The following SUPT3H variants were observed in gnomAD, a reference collection of about 807,000 sequenced individuals.
SUPT3H encodes the protein transcription initiation protein SPT3 homolog.
Under a neutral mutation model 44.3 loss-of-function variants are expected in SUPT3H, and 44 were observed. That is an observed-to-expected ratio of 0.99 (90% CI 0.78 to 1.28). The LOEUF is 1.28. Ranked by LOEUF, SUPT3H falls within the 50% of genes most tolerant of loss-of-function variation. The probability of loss-of-function intolerance (pLI) is 0.00; values close to 1 mark genes in which losing one functional copy is unlikely to be tolerated. For synonymous variants in SUPT3H, 124 were observed against 125.6 expected (o/e 0.99, Z 0.09); for missense variants, 380 against 387.1 (o/e 0.98, Z 0.15).
At position 45,280,046 on chromosome 6, in the gene SUPT3H, C is replaced by A. The variant is rs538265667; in HGVS notation, c.101+85155G>T. 9.2e-4 allele frequency among the ~76,000 whole-genome samples: 140 copies of A among 152,282 alleles called. No homozygotes were observed. The Middle Eastern group carries it at 0.031, about 33-fold the overall frequency. ...TCAATCCCCACATCCAATCTCTTAG[C>A]AAATTATCTTGACTCTTTTAAATAT... On this transcript the variant is annotated intron_variant, in intron 2 of 10. Coordinates refer to ENST00000371459, the MANE Select transcript of SUPT3H (RefSeq NM_003599.4).
Position 45,271,544 on chromosome 6 carries a change from C to T in SUPT3H, c.101+93657G>A, listed in dbSNP as rs146308654. On this transcript the variant is annotated intron_variant, in intron 2 of 10. Coordinates refer to ENST00000371459, the MANE Select transcript of SUPT3H (RefSeq NM_003599.4). ...AAGAACTGAAGCCTGTGAGCCTCCA[C>T]CTAGATTTCAGAGGATGCATGGTAA... Among the ~76,000 whole-genome samples, 1,221 of 152,304 alleles carry T rather than the reference C, an allele frequency of 8.0e-3. 10 individuals are homozygous for T. The highest frequency in any genetic ancestry group is 0.011 in the Non-Finnish European group (716 of 68,016).
At chr6:45,286,412 C>T (rs1432828261) in intron 2 of SUPT3H, among the ~76,000 whole-genome samples, 2 of 151,928 alleles carry the variant, frequency 1.3e-5, no homozygotes, top group Admixed American at 1.3e-4. Flanking sequence ...AAAAACAACC[C>T]CATCAAAAAG....
intron 2 of SUPT3H, among the ~76,000 whole-genome samples, chr6:45,339,392 C>T (rs1431072475): frequency 2.0e-5 from 3 of 152,098 alleles, no homozygotes; most frequent in African/African-American, 7.2e-5. Context: ...TTTAATACTC[C>T]TAGAAATAAG....
intron 9 of SUPT3H, among the ~76,000 whole-genome samples, chr6:44,942,801 G>C (rs1166296705): frequency 1.3e-5 from 2 of 152,212 alleles, no homozygotes; most frequent in Non-Finnish European, 2.9e-5. Context: ...AAAGCAAAAA[G>C]AAATGAAAAG....
At chr6:44,927,574 T>C (rs1769709188) in intron 10 of SUPT3H, among the ~76,000 whole-genome samples, 1 of 152,346 alleles carries the variant, frequency 6.6e-6, no homozygotes, top group East Asian at 1.9e-4. Context: ...TAGATTTCTG[T>C]TCCACAGAGC....
chr6:45,130,347 T>C (rs1433785861), intron 2 of SUPT3H, among the ~76,000 whole-genome samples: 2 of 152,234 alleles, frequency 1.3e-5, no homozygotes, highest in African/African-American at 4.8e-5. Flanking sequence ...TAACATGTTA[T>C]CACTACATCA....
chr6:44,837,546 T>C (rs1392731734), intron 10 of SUPT3H, among the ~76,000 whole-genome samples: 1 of 152,136 alleles, frequency 6.6e-6, no homozygotes, highest in Non-Finnish European at 1.5e-5. Context: ...AAAACTAAAT[T>C]AGTGACCTTG....
At chr6:45,042,400 G>A (rs546573376) in intron 3 of SUPT3H, among the ~76,000 whole-genome samples, 1 of 152,142 alleles carries the variant, frequency 6.6e-6, no homozygotes, top group African/African-American at 2.4e-5. Flanking sequence ...TCCAGCCTGA[G>A]GCACAAGAGG....
downstream of SUPT3H, among the ~76,000 whole-genome samples, chr6:44,823,283 GAAC>G (rs561407307): frequency 1.6e-3 from 246 of 152,202 alleles, no homozygotes; most frequent in African/African-American, 5.5e-3. Context: ...GAAGCAGAGA[GAAC>G]AACAAGGGCT....
chr6:45,012,091 T>C (rs1004611075), intron 5 of SUPT3H, among the ~76,000 whole-genome samples: 3 of 151,308 alleles, frequency 2.0e-5, no homozygotes, highest in Non-Finnish European at 4.4e-5. Flanking sequence ...TCATGATTTT[T>C]TGTCTGTTTT....
intron 2 of SUPT3H, among the ~76,000 whole-genome samples, chr6:45,246,235 C>T (rs1771318330): frequency 6.6e-6 from 1 of 152,094 alleles, no homozygotes; most frequent in Non-Finnish European, 1.5e-5. Flanking sequence ...TTTTCACTCT[C>T]TTGACAGCGT....
intron 7 of SUPT3H, among the ~76,000 whole-genome samples, chr6:44,960,501 GA>G (rs1775874400): frequency 6.6e-6 from 1 of 151,592 alleles, no homozygotes; most frequent in Admixed American, 6.6e-5. Context: ...CTGAAAATCT[GA>G]TTTTCAAAGA....
chr6:44,983,432 G>A (rs2153491404), intron 6 of SUPT3H, among the ~76,000 whole-genome samples: 1 of 152,210 alleles, frequency 6.6e-6, no homozygotes, highest in Admixed American at 6.5e-5. Context: ...CAGTAGGCAA[G>A]GAATGTGAAC....
intron 10 of SUPT3H, among the ~76,000 whole-genome samples, chr6:44,849,327 C>T (rs1281091872): frequency 1.4e-5 from 2 of 146,974 alleles, no homozygotes; most frequent in Admixed American, 6.9e-5. Context: ...CCCGGGTTCA[C>T]GCCATTCTCC....
At chr6:45,328,562 C>T (rs1346157178) in intron 2 of SUPT3H, 1 of 1,578,068 alleles carries the variant, frequency 6.3e-7, no homozygotes, top group African/African-American at 1.4e-5. Flanking sequence ...ATGTTACCAG[C>T]TACATAATTT....
intron 2 of SUPT3H, among the ~76,000 whole-genome samples, chr6:45,321,084 T>A (rs962064399): frequency 1.3e-5 from 2 of 152,110 alleles, no homozygotes; most frequent in African/African-American, 4.8e-5. Context: ...CTCATAATTC[T>A]TAAAGTTAGG....
chr6:45,335,509 T>A (rs1788368997), intron 2 of SUPT3H, among the ~76,000 whole-genome samples: 1 of 151,278 alleles, frequency 6.6e-6, no homozygotes, highest in Admixed American at 6.6e-5. Context: ...ACACAGCTCA[T>A]TAAAATACAT....
intron 10 of SUPT3H, among the ~76,000 whole-genome samples, chr6:44,854,618 C>T (rs1162000917): frequency 1.3e-5 from 2 of 152,144 alleles, no homozygotes; most frequent in Admixed American, 6.5e-5. Flanking sequence ...CTTTTCTTTA[C>T]GCTTCTTGCA....
downstream of SUPT3H, among the ~76,000 whole-genome samples, chr6:44,823,928 A>G (rs1416691160): frequency 6.6e-6 from 1 of 152,070 alleles, no homozygotes; most frequent in African/African-American, 2.4e-5. Flanking sequence ...GAGCCATTGC[A>G]CTCCAGCCTG....
Sources: gnomAD v4.1 joint callset for allele counts (sites outside exome capture counted in the v4.1 genomes callset) on GRCh38, gnomAD v4.1.1 for gene constraint, MANE v1.5 for transcripts, NCBI Gene and HGNC (gene_info 2026-07-23, HGNC 2026-07-21) for gene names.